Variants in UBE2J1 observed in about 807,000 individuals in gnomAD.
The protein encoded by UBE2J1 is ubiquitin conjugating enzyme E2 J1, also known as ubiquitin-conjugating enzyme E2 J1.
Under a neutral mutation model 42.1 loss-of-function variants are expected in UBE2J1, and 17 were observed. The ratio of observed to expected loss-of-function variants is 0.40; its 90% CI spans 0.28 to 0.61. The LOEUF is 0.61. Among genes scored for constraint, UBE2J1 ranks in the 20% least tolerant of loss-of-function variants. The probability of loss-of-function intolerance (pLI) is 0.38; values close to 1 mark genes in which losing one functional copy is unlikely to be tolerated. For synonymous variants in UBE2J1, 127 were observed against 137.2 expected (o/e 0.93, Z 0.52); for missense variants, 291 against 389.4 (o/e 0.75, Z 2.13).
intron 7 of UBE2J1, among the ~76,000 whole-genome samples, chr6:89,331,034 G>A (rs1226297508): frequency 1.3e-5 from 2 of 152,122 alleles, no homozygotes; most frequent in African/African-American, 4.8e-5. Context: ...TAAAATATCT[G>A]CATTAAAAAG....
rs923889431 is a variant in UBE2J1, at chr6:89,330,055, A to G, written c.679-98T>C. The G allele has an allele frequency of 1.4e-5, 17 of 1,193,996 alleles. No individual in the cohort carries two copies. The African/African-American group carries it at 2.7e-4, about 19-fold the overall frequency. The allele number at this position is 1,193,996 out of a possible 1,614,324, so 74.0% of individuals were successfully genotyped here. ...AATACACAATCTCAGAGGACAACAT[A>G]TGACTAAGGGCAACACTACCAAGAA... On this transcript the variant is annotated intron_variant, in intron 7 of 7. Coordinates refer to ENST00000435041, the MANE Select transcript of UBE2J1 (RefSeq NM_016021.3).
chr6:89,348,045 G>C (rs1439517156), intron 1 of UBE2J1, among the ~76,000 whole-genome samples: 1 of 152,224 alleles, frequency 6.6e-6, no homozygotes, highest in Non-Finnish European at 1.5e-5. Flanking sequence ...TTAGGAAACA[G>C]TCATGGTTCA....
intron 3 of UBE2J1, 114 bp from the exon 4 acceptor site, chr6:89,338,657 G>GTTTTT (rs11300340): frequency 4.7e-5 from 5 of 105,470 alleles, no homozygotes; most frequent in Non-Finnish European, 6.9e-5. Flanking sequence ...TAAAAAGTTT[G>GTTTTT]TTTTTTTTTT....
chr6:89,343,713 T>C lies in UBE2J1; in HGVS notation c.75A>G (p.Pro25=), dbSNP rs1174338922. Residue 25 remains proline (P), a synonymous_variant, in exon 2 of 8, where the codon CCA becomes CCG. Coordinates refer to ENST00000435041, the MANE Select transcript of UBE2J1 (RefSeq NM_016021.3). ...AAGGCTGCGCATGGTAATGATCTGT[T>C]GGATCTTTCAATTCTGCCGCTTCTT... is the stretch of plus-strand genomic sequence containing the variant. ...LMKEAAELKD[P]TDHYHAQPLE... The C allele has an allele frequency of 6.2e-7, 1 of 1,610,430 alleles. No homozygotes were observed. Among genetic ancestry groups the C allele is most frequent in the East Asian group, 2.2e-5 (1 of 44,718 alleles).
rs1767962485 is a variant in UBE2J1 at position 89,329,515 on chromosome 6, A to G, written c.*164T>C. On this transcript the variant is annotated 3_prime_UTR_variant, in exon 8 of 8. Transcript: ENST00000435041. ...TTTAAGCAGGACGTAACTGCTAGAC[A>G]CAGTCTGAATGTCTAGATATATTTA... 8.2e-6 allele frequency: 6 copies of G among 728,834 alleles called. No individual in the cohort carries two copies. The South Asian group carries it at 1.1e-4, about 14-fold the overall frequency. 45.1% of individuals were successfully genotyped at this position (728,834 alleles called of 1,614,324 possible). A position where few individuals can be genotyped will look rare whatever the true frequency, so the allele number is the denominator to read the frequency against.
intron 3 of UBE2J1, among the ~76,000 whole-genome samples, chr6:89,340,010 T>C (rs1241603348): frequency 7.1e-6 from 1 of 140,918 alleles, no homozygotes; most frequent in African/African-American, 2.7e-5. Context: ...AGTGAGACCC[T>C]ATCTCAAGTT....
chr6:89,331,321 G>A (rs1768004848), intron 7 of UBE2J1, among the ~76,000 whole-genome samples: 1 of 152,096 alleles, frequency 6.6e-6, no homozygotes, highest in Admixed American at 6.5e-5. Context: ...TTTATTGCTT[G>A]TTGGTATTTT....
At chr6:89,347,944 T>C (rs544998525) in intron 1 of UBE2J1, among the ~76,000 whole-genome samples, 2 of 152,298 alleles carry the variant, frequency 1.3e-5, no homozygotes, top group African/African-American at 4.8e-5. Context: ...TAAGGCCTTC[T>C]CAATGATTCT....
chr6:89,334,479 T>G (rs915724190), intron 6 of UBE2J1, among the ~76,000 whole-genome samples: 5 of 151,102 alleles, frequency 3.3e-5, no homozygotes, highest in African/African-American at 1.2e-4. Flanking sequence ...TTTTTCTTTT[T>G]TTTTTTTTTG....
chr6:89,346,782 G>T (rs540112048), intron 1 of UBE2J1, among the ~76,000 whole-genome samples: 4 of 152,168 alleles, frequency 2.6e-5, no homozygotes, highest in Admixed American at 2.6e-4. Context: ...TAGAGACCAG[G>T]TTGAGTCTCC....
At chr6:89,340,031 A>AG (rs1768213753) in intron 3 of UBE2J1, among the ~76,000 whole-genome samples, 1 of 151,394 alleles carries the variant, frequency 6.6e-6, no homozygotes, top group African/African-American at 2.4e-5. Context: ...AAAAAAAAAA[A>AG]AAGAATCTAA....
chr6:89,337,741 G>C (rs1768138151), intron 5 of UBE2J1, among the ~76,000 whole-genome samples: 1 of 152,106 alleles, frequency 6.6e-6, no homozygotes, highest in South Asian at 2.1e-4. Flanking sequence ...ATCACAACTT[G>C]ATAAAATCTC....
At chr6:89,347,934 T>C (rs1048519024) in intron 1 of UBE2J1, among the ~76,000 whole-genome samples, 1 of 152,190 alleles carries the variant, frequency 6.6e-6, no homozygotes, top group Non-Finnish European at 1.5e-5. Flanking sequence ...GACTGGTATA[T>C]AAGGCCTTCT....
At chr6:89,342,295 C>A (rs1216408723) in intron 3 of UBE2J1, 29 bp downstream of exon 3, 11 of 1,611,064 alleles carry the variant, frequency 6.8e-6, no homozygotes, top group Non-Finnish European at 8.5e-6. Context: ...AGTGAAGCCA[C>A]AAGCACTCTA....
Position 89,338,249 on chromosome 6 carries a change from A to G in UBE2J1, c.384T>C (p.Gly128=). The G allele has an allele frequency of 6.2e-7, 1 of 1,613,822 alleles. No homozygotes were observed. Among genetic ancestry groups the G allele is most frequent in the Non-Finnish European group, 8.5e-7 (1 of 1,179,882 alleles). ...TTTCCTCAGGAGTGTAATCTAGAGA[A>G]CCTATGGCTCCCTCTCCTTTTGTTG... ...FMPTKGEGAI[G]SLDYTPEERR... is the part of the protein sequence containing the mutation. Residue 128 remains glycine, a synonymous_variant, in exon 5 of 8, where the codon GGT becomes GGC. Transcript: ENST00000435041.
chr6:89,343,785 T>C, intron 1 of UBE2J1, 29 bp from the exon 2 acceptor site: 2 of 1,518,412 alleles, frequency 1.3e-6, no homozygotes, highest in Non-Finnish European at 1.8e-6. Flanking sequence ...AATAGAGATA[T>C]TTAAAATATA....
intron 3 of UBE2J1, 128 bp downstream of exon 3, chr6:89,342,196 A>T (rs16881711): frequency 1.1e-6 from 1 of 932,084 alleles, no homozygotes; most frequent in Non-Finnish European, 1.6e-6. Context: ...TTGTAGTCCC[A>T]GGGCCTGGAC....
In UBE2J1 at chr6:89,349,234, AAG is replaced by A. The variant is rs566120713; in HGVS notation, c.31+3303_31+3304del. Among the ~76,000 whole-genome samples the A allele has an allele frequency of 4.1e-3, 622 of 152,252 alleles. 2 individuals are homozygous for A. The highest frequency in any genetic ancestry group is 0.014 in the African/African-American group (593 of 41,522). ...GCTGGGAGACCCTGCCTCAAAAAAAAAGAAAATGAGGAAGAGCATAAGAGTGG... is the reference window on the plus strand; with the variant it reads ...GCTGGGAGACCCTGCCTCAAAAAAAAAAAATGAGGAAGAGCATAAGAGTGG... On this transcript the variant is annotated intron_variant, in intron 1 of 7. Coordinates refer to ENST00000435041, the MANE Select transcript of UBE2J1 (RefSeq NM_016021.3).
intron 7 of UBE2J1, among the ~76,000 whole-genome samples, chr6:89,331,148 G>C (rs1423160980): frequency 6.6e-6 from 1 of 152,152 alleles, no homozygotes; most frequent in Admixed American, 6.5e-5. Flanking sequence ...TCTGGGATTT[G>C]ATGTATAACA....
Sources: gnomAD v4.1 joint callset for allele counts (sites outside exome capture counted in the v4.1 genomes callset) on GRCh38, gnomAD v4.1.1 for gene constraint, MANE v1.5 for transcripts, NCBI Gene and HGNC (gene_info 2026-07-23, HGNC 2026-07-21) for gene names.